The following TBP variants were observed in gnomAD, a reference collection of about 807,000 sequenced individuals.
TBP encodes TATA-box-binding protein.
A neutral mutation model predicts 46.2 loss-of-function variants in TBP; 12 were observed. The ratio of observed to expected loss-of-function variants is 0.26; its 90% CI spans 0.17 to 0.42. The LOEUF is 0.42. TBP is among the 10% of genes least tolerant of loss of function. TBP has a pLI of 1.00. For missense variants in TBP, 229 were observed against 403.1 expected, an observed-to-expected ratio of 0.57 and a Z score of 3.70; for synonymous variants, 157 against 148.3, an observed-to-expected ratio of 1.06 and a Z score of -0.42.
chr6:170,569,082 G>A (rs1308116405), intron 5 of TBP, among the ~76,000 whole-genome samples: 2 of 152,028 alleles, frequency 1.3e-5, no homozygotes, highest in African/African-American at 2.4e-5. Context: ...CAAAGTGCTT[G>A]GGATTAGAGG....
chr6:170,572,011 A>G (rs1779374456), intron 7 of TBP, among the ~76,000 whole-genome samples, 175 bp from the exon 8 acceptor site: 1 of 152,040 alleles, frequency 6.6e-6, no homozygotes, highest in Non-Finnish European at 1.5e-5. Context: ...TGTTTTATAA[A>G]CAAAAATAAG....
rs1272362457 is a variant in TBP, at chr6:170,560,334, A to G, written c.55-1457A>G. Among the ~76,000 whole-genome samples the G allele has an allele frequency of 2.0e-5, 3 of 152,114 alleles. No homozygotes were observed. The East Asian group carries it at 5.8e-4, about 29-fold the overall frequency. On this transcript the variant is annotated intron_variant, in intron 2 of 7. Coordinates refer to ENST00000392092, the MANE Select transcript of TBP (RefSeq NM_003194.5). The stretch of plus-strand genomic sequence containing the variant: ...GGTAACAAAACAAGTCCCTGTTGCT[A>G]CAAAAAAAAATTTTTTTTTAATTAG...
intron 4 of TBP, among the ~76,000 whole-genome samples, chr6:170,565,210 A>G (rs1239513112): frequency 2.0e-5 from 3 of 152,246 alleles, no homozygotes; most frequent in African/African-American, 7.2e-5. Flanking sequence ...CTTGACACCA[A>G]TAAAATGAAG....
At chr6:170,555,310 G>A (rs528162423) in intron 1 of TBP, among the ~76,000 whole-genome samples, 1 of 152,204 alleles carries the variant, frequency 6.6e-6, no homozygotes, top group Admixed American at 6.5e-5. Flanking sequence ...CGAAACTTCC[G>A]TCCTCCAGTT....
chr6:170,564,530 T>G lies in TBP; in HGVS notation c.498-15T>G. ...TAATTTAAATAGTCGTGTTTTCTTTTTAAATCTCTTACAGAAATATTGTAT... is the reference window on the plus strand; with the variant it reads ...TAATTTAAATAGTCGTGTTTTCTTTGTAAATCTCTTACAGAAATATTGTAT... On this transcript the variant is annotated splice_polypyrimidine_tract_variant and intron_variant, in intron 3 of 7. Transcript: ENST00000392092. The G allele has an allele frequency of 2.5e-6, 4 of 1,572,706 alleles. No homozygotes were observed. The highest frequency in any genetic ancestry group is 3.5e-6 in the Non-Finnish European group (4 of 1,156,116).
At chr6:170,557,216 T>G in intron 2 of TBP, 133 bp downstream of exon 2, 1 of 828,552 alleles carries the variant, frequency 1.2e-6, no homozygotes. Flanking sequence ...CCTTATTTTG[T>G]TGAGAAGTTC....
At chr6:170,555,982 A>G (rs1779018986) in intron 1 of TBP, among the ~76,000 whole-genome samples, 1 of 152,156 alleles carries the variant, frequency 6.6e-6, no homozygotes, top group Non-Finnish European at 1.5e-5. Flanking sequence ...TGATATATTT[A>G]TTTCCAGAAG....
chr6:170,557,088 T>TA lies in TBP; in HGVS notation c.54+6dup. 1 of 1,613,658 alleles carries TA rather than the reference T, an allele frequency of 6.2e-7. No individual in the cohort carries two copies. Among genetic ancestry groups the TA allele is most frequent in the Non-Finnish European group, 8.5e-7 (1 of 1,179,676 alleles). ...CAGGGCTTGGCCTCCCCTCAGGTAA[T>TA]ATAGCAGGAGGGAGAGAATAGGGAG... On this transcript the variant is annotated splice_donor_region_variant and intron_variant, in intron 2 of 7. Transcript: ENST00000392092.
At chr6:170,566,471 T>C (rs556674517) in intron 4 of TBP, among the ~76,000 whole-genome samples, 25 of 152,378 alleles carry the variant, frequency 1.6e-4, no homozygotes, top group African/African-American at 6.0e-4. Context: ...AGGCTTGTAA[T>C]CTGATTTATT....
rs548097837 is a variant in TBP, at chr6:170,561,994, G to A, written c.258G>A (p.Gln86=). 61 of 1,602,992 alleles carry A rather than the reference G, an allele frequency of 3.8e-5. No homozygotes were observed. Among genetic ancestry groups the A allele is most frequent in the Non-Finnish European group, 4.7e-5 (55 of 1,174,150 alleles). Residue 86 remains glutamine (Q), a synonymous_variant, in exon 3 of 8, where the codon CAG becomes CAA. Transcript: ENST00000392092. ...AGCAGCAGCAGCAGCAGCAGCAGCAGCAGCAGCAGCAGCAGCAGCAGCAAC... is the reference window on the plus strand; with the variant it reads ...AGCAGCAGCAGCAGCAGCAGCAGCAACAGCAGCAGCAGCAGCAGCAGCAAC... ...QQQQQQQQQQ[Q]QQQQQQQQQA...
intron 6 of TBP, among the ~76,000 whole-genome samples, chr6:170,570,256 C>T (rs1346105179): frequency 6.6e-6 from 1 of 152,216 alleles, no homozygotes; most frequent in Non-Finnish European, 1.5e-5. Context: ...TGCTTCATCT[C>T]ATGGTCTTCT....
At chr6:170,557,983 T>G (rs927350421) in intron 2 of TBP, among the ~76,000 whole-genome samples, 1 of 151,994 alleles carries the variant, frequency 6.6e-6, no homozygotes, top group African/African-American at 2.4e-5. Context: ...GGAATCAGAG[T>G]GTATGCTTTT....
At position 170,562,155 on chromosome 6, in the gene TBP, C is replaced by T. The variant is rs1779162202; in HGVS notation, c.419C>T (p.Pro140Leu). ...TTGCCGGGCACCACTCCACTGTATC[C>T]CTCCCCCATGACTCCCATGACCCCC... ...APLPGTTPLYPSPMTPMTPIT... is the reference protein window; with the variant it reads ...APLPGTTPLYLSPMTPMTPIT... The change falls in exon 3 of 8, where the codon CCC becomes CTC. Residue 140 changes from proline to leucine, a missense_variant. Physicochemically the swap from Pro to Leu is moderately conservative, Grantham distance 98 (BLOSUM62 -3). Around this residue, in one of 4 missense-constraint regions of TBP, gnomAD observed 69 missense variants for 66.2 expected, o/e 1.04. Transcript: ENST00000392092. 2 of 1,614,034 alleles carry T rather than the reference C, an allele frequency of 1.2e-6. No homozygotes were observed. Among genetic ancestry groups the T allele is most frequent in the African/African-American group, 1.3e-5 (1 of 74,900 alleles).
At chr6:170,559,072 T>A (rs1779090656) in intron 2 of TBP, among the ~76,000 whole-genome samples, 1 of 152,246 alleles carries the variant, frequency 6.6e-6, no homozygotes. Context: ...ACTGCACCTG[T>A]ATAATACAGG....
intron 1 of TBP, 35 bp downstream of exon 1, chr6:170,554,498 G>C (rs1778974364): frequency 2.0e-5 from 3 of 152,618 alleles, no homozygotes; most frequent in Admixed American, 2.0e-4. Flanking sequence ...CGGTTCGGGC[G>C]AAGGCCACCA....
chr6:170,556,640 G>C (rs1037022468), intron 1 of TBP, among the ~76,000 whole-genome samples: 1 of 152,114 alleles, frequency 6.6e-6, no homozygotes, highest in Non-Finnish European at 1.5e-5. Context: ...GCTCGATTTT[G>C]AGCATTTTCC....
chr6:170,568,815 C>CTTTTATTT (rs1779317878), intron 5 of TBP, among the ~76,000 whole-genome samples: 1 of 62,604 alleles, frequency 1.6e-5, no homozygotes, highest in Non-Finnish European at 2.9e-5. Context: ...CTTTCCTTTT[C>CTTTTATTT]TTTTTTTTTT....
intron 1 of TBP, among the ~76,000 whole-genome samples, chr6:170,556,485 T>G (rs1266152488): frequency 6.6e-6 from 1 of 152,146 alleles, no homozygotes; most frequent in Non-Finnish European, 1.5e-5. Flanking sequence ...GGATGTAAAA[T>G]TGGAATATTT....
intron 4 of TBP, 48 bp from the exon 5 acceptor site, chr6:170,566,870 T>G: frequency 6.4e-7 from 1 of 1,566,664 alleles, no homozygotes; most frequent in Non-Finnish European, 8.8e-7. Flanking sequence ...CTAACAACAT[T>G]GAGCAGTTTG....
Sources: gnomAD v4.1 joint callset for allele counts (sites outside exome capture counted in the v4.1 genomes callset) on GRCh38, gnomAD v4.1.1 for gene constraint, gnomAD v4.1.1 regional missense constraint, MANE v1.5 for transcripts, NCBI Gene and HGNC (gene_info 2026-07-23, HGNC 2026-07-21) for gene names.